The following MIB1 variants were observed in gnomAD, a reference collection of about 807,000 sequenced individuals.
The protein encoded by MIB1 is MIB E3 ubiquitin protein ligase 1.
Under a neutral mutation model 124.5 loss-of-function variants are expected in MIB1, and 278 were observed. The ratio of observed to expected loss-of-function variants is 2.23; its 90% CI spans 2.02 to 2.47. MIB1 has a LOEUF of 2.47. MIB1 is among the 30% of genes most tolerant of loss of function. MIB1 has a pLI of 0.00. For synonymous variants in MIB1, 446 were observed against 429.4 expected, an observed-to-expected ratio of 1.04 and a Z score of -0.48; for missense variants, 957 against 1,254.4, an observed-to-expected ratio of 0.76 and a Z score of 3.58.
chr18:21,824,022 CA>C (rs1301575569), intron 12 of MIB1, among the ~76,000 whole-genome samples: 1 of 152,132 alleles, frequency 6.6e-6, no homozygotes, highest in East Asian at 1.9e-4. Flanking sequence ...AGCTCCCTTA[CA>C]GGCATGAAAA....
At chr18:21,843,963 C>A in intron 14 of MIB1, 129 bp from the exon 15 acceptor site, 1 of 829,846 alleles carries the variant, frequency 1.2e-6, no homozygotes, top group South Asian at 1.9e-5. Context: ...AAGGCAAAAG[C>A]ATAAAAATGA....
At chr18:21,828,227 C>T (rs746268971) in intron 12 of MIB1, 22 of 151,738 alleles carry the variant, frequency 1.4e-4, no homozygotes, top group African/African-American at 4.6e-4. Flanking sequence ...AAAGCAAATT[C>T]GAAGATAATA....
intron 1 of MIB1, among the ~76,000 whole-genome samples, chr18:21,731,378 C>G (rs1361698815): frequency 6.6e-6 from 1 of 152,136 alleles, no homozygotes; most frequent in African/African-American, 2.4e-5. Flanking sequence ...GACTATACTG[C>G]AAGATGCTGA....
chr18:21,805,124 T>C (rs1485176644), intron 10 of MIB1, among the ~76,000 whole-genome samples: 1 of 152,140 alleles, frequency 6.6e-6, no homozygotes, highest in African/African-American at 2.4e-5. Flanking sequence ...GTGATTCTCA[T>C]GCCTCAGCCT....
At chr18:21,838,551 G>A in intron 13 of MIB1, 54 bp downstream of exon 13, 3 of 1,412,676 alleles carry the variant, frequency 2.1e-6, no homozygotes, top group Non-Finnish European at 2.9e-6. Context: ...AAACAATTTG[G>A]GACCATTGCC....
intron 12 of MIB1, among the ~76,000 whole-genome samples, chr18:21,825,193 T>G (rs913369531): frequency 2.6e-5 from 4 of 152,118 alleles, no homozygotes; most frequent in African/African-American, 7.2e-5. Context: ...CCTGCTAACA[T>G]TCAGGTAAAT....
intron 2 of MIB1, among the ~76,000 whole-genome samples, 178 bp from the exon 3 acceptor site, chr18:21,768,445 T>C (rs2041188854): frequency 6.6e-6 from 1 of 152,164 alleles, no homozygotes; most frequent in Non-Finnish European, 1.5e-5. Flanking sequence ...ACTACTGCCA[T>C]CATCATCATC....
chr18:21,776,045 TC>T (rs2041281098), intron 4 of MIB1, among the ~76,000 whole-genome samples: 1 of 152,084 alleles, frequency 6.6e-6, no homozygotes, highest in Admixed American at 6.5e-5. Context: ...AGCAGGTAGA[TC>T]ACTTGAGTCC....
rs939410570 is a variant in MIB1 at position 21,732,393 on chromosome 18, C to G, written n.167+27270C>G. On this transcript the variant is annotated intron_variant and non_coding_transcript_variant, in intron 1 of 20. Transcript: ENST00000578646. ...ACACACACACACACACACACACACA[C>G]AGAGCAAGAGAGAGAGAGAGACAGG... 7.6e-3 allele frequency among the ~76,000 whole-genome samples: 1,097 copies of G among 143,552 alleles called. 14 individuals are homozygous for G. The highest frequency in any genetic ancestry group is 0.028 in the African/African-American group (1,031 of 37,310). The allele number at this position is 143,552 out of a possible 152,430, so 94.2% of individuals were successfully genotyped here. A position where few individuals can be genotyped will look rare whatever the true frequency, so the allele number is the denominator to read the frequency against.
At chr18:21,816,684 T>C (rs2041832491) in intron 11 of MIB1, among the ~76,000 whole-genome samples, 2 of 152,188 alleles carry the variant, frequency 1.3e-5, no homozygotes, top group Admixed American at 6.5e-5. Flanking sequence ...ATCCAGGAAT[T>C]GGTTGCTGGA....
chr18:21,870,052 T>A lies in MIB1; in HGVS notation c.*5386T>A, dbSNP rs1269551891. On this transcript the variant is annotated 3_prime_UTR_variant, in exon 21 of 21. Transcript: ENST00000261537. ...ATTAAAGTCTTGTTTGTGAATATAG[T>A]TTCCGTATGGCAAATGATTTCTTGC... 4 of 152,584 alleles carry A rather than the reference T, an allele frequency of 2.6e-5. No homozygotes were observed. The highest frequency in any genetic ancestry group is 6.5e-5 in the Admixed American group (1 of 15,280). The allele number at this position is 152,584 out of a possible 1,614,324, so 9.5% of individuals were successfully genotyped here. A position where few individuals can be genotyped will look rare whatever the true frequency, so the allele number is the denominator to read the frequency against.
chr18:21,718,021 A>G (rs2040697518), intron 1 of MIB1, among the ~76,000 whole-genome samples: 1 of 152,260 alleles, frequency 6.6e-6, no homozygotes, highest in Non-Finnish European at 1.5e-5. Flanking sequence ...GAATGAATAA[A>G]GAAACTGGTA....
At chr18:21,749,532 A>G (rs1211452167) in intron 1 of MIB1, among the ~76,000 whole-genome samples, 2 of 152,080 alleles carry the variant, frequency 1.3e-5, no homozygotes. Flanking sequence ...ACATGGCTAA[A>G]TATTGTCCTC....
chr18:21,837,648 C>A (rs749901590), intron 12 of MIB1, among the ~76,000 whole-genome samples: 6 of 152,118 alleles, frequency 3.9e-5, no homozygotes, highest in Non-Finnish European at 5.9e-5. Flanking sequence ...GAGTTTAAAT[C>A]TTTAATTCTC....
chr18:21,752,833 G>A (rs999502587), intron 1 of MIB1, among the ~76,000 whole-genome samples: 4 of 152,162 alleles, frequency 2.6e-5, no homozygotes, highest in African/African-American at 9.7e-5. Flanking sequence ...AGATATGTAT[G>A]AAGAAATTCA....
Position 21,857,170 on chromosome 18 carries a change from A to C in MIB1, c.2706A>C (p.Ala902=), listed in dbSNP as rs201368470. The change falls in exon 19 of 21, where the codon GCA becomes GCC. Residue 902 remains alanine, a synonymous_variant. Coordinates refer to ENST00000261537, the MANE Select transcript of MIB1 (RefSeq NM_020774.4). ...NLMKKCVQCR[A]VVERRVPFIM... The stretch of plus-strand genomic sequence containing the variant: ...TGAAAAAGTGTGTGCAGTGTCGAGC[A>C]GTAGTTGAACGAAGAGTGCCTTTCA... The C allele has an allele frequency of 2.1e-5, 34 of 1,614,204 alleles. No individual in the cohort carries two copies. The East Asian group carries it at 7.6e-4, about 36-fold the overall frequency.
In MIB1 at chr18:21,842,204, A is replaced by C. The variant is rs576456680; in HGVS notation, c.1963-927A>C. 1.1e-4 allele frequency among the ~76,000 whole-genome samples: 17 copies of C among 152,124 alleles called. No individual in the cohort carries two copies. The South Asian group carries it at 2.7e-3, about 24-fold the overall frequency. On this transcript the variant is annotated intron_variant, in intron 13 of 20. Transcript: ENST00000261537. ...CAAATGAGAAATTCCCATCTTGAAG[A>C]ATATGACATAACATTACCAAAGTTT...
intron 4 of MIB1, among the ~76,000 whole-genome samples, chr18:21,774,002 T>G (rs1202345030): frequency 1.3e-5 from 2 of 152,214 alleles, no homozygotes; most frequent in Non-Finnish European, 2.9e-5. Context: ...GGGAATCATC[T>G]GTAAGACCAT....
chr18:21,777,062 AT>A (rs1481669481), intron 4 of MIB1, among the ~76,000 whole-genome samples: 1 of 152,132 alleles, frequency 6.6e-6, no homozygotes, highest in African/African-American at 2.4e-5. Context: ...TTTACTTTGT[AT>A]TGGCTATTAG....
Sources: allele counts gnomAD v4.1 joint callset (sites outside exome capture counted in the v4.1 genomes callset), GRCh38; gene constraint gnomAD v4.1.1; transcripts MANE v1.5; gene names NCBI Gene and HGNC (gene_info 2026-07-23, HGNC 2026-07-21).